The following TMEM132D variants were observed in gnomAD, a reference collection of about 807,000 sequenced individuals.
The protein encoded by TMEM132D is mature OL transmembrane protein.
In TMEM132D, 21 loss-of-function variants were observed where a neutral mutation model predicts 62.3. The observed-to-expected ratio is 0.34, with a 90% CI of 0.24 to 0.49. The LOEUF (loss-of-function observed/expected upper bound fraction) is 0.49, where lower values mean the gene tolerates loss of function less well. TMEM132D is among the 20% of genes least tolerant of loss of function. The probability of loss-of-function intolerance (pLI) is 0.99; values close to 1 mark genes in which losing one functional copy is unlikely to be tolerated. For missense variants in TMEM132D, 1,346 were observed against 1,402.8 expected (o/e 0.96, Z 0.65); for synonymous variants, 621 against 575.6 (o/e 1.08, Z -1.13).
At position 129,420,306 on chromosome 12, in the gene TMEM132D, GTTTTTT is replaced by G. The variant is rs71082709; in HGVS notation, c.1116-82495_1116-82490del. Among the ~76,000 whole-genome samples, 468 of 112,306 alleles carry G rather than the reference GTTTTTT, an allele frequency of 4.2e-3. 7 individuals are homozygous for G. Among genetic ancestry groups the G allele is most frequent in the African/African-American group, 4.6e-3 (116 of 24,956 alleles). The allele number at this position is 112,306 out of a possible 152,430, so 73.7% of individuals were successfully genotyped here. On this transcript the variant is annotated intron_variant, in intron 3 of 8. Transcript: ENST00000422113. ...AATTTCAAATTATTGCACGTTCTCTGTTTTTTTTTTTTTTTTTTTTTTTTGCAGTAT... is the reference window on the plus strand; with the variant it reads ...AATTTCAAATTATTGCACGTTCTCTGTTTTTTTTTTTTTTTTTTGCAGTAT...
At chr12:129,367,598 G>T (rs1313143151) in intron 3 of TMEM132D, among the ~76,000 whole-genome samples, 1 of 152,090 alleles carries the variant, frequency 6.6e-6, no homozygotes, top group South Asian at 2.1e-4. Context: ...TCAAATGGAT[G>T]GAGTTGCTTG....
chr12:129,276,334 G>C (rs548917159), intron 4 of TMEM132D, among the ~76,000 whole-genome samples: 1 of 152,186 alleles, frequency 6.6e-6, no homozygotes, highest in African/African-American at 2.4e-5. Context: ...AACTCTGAAC[G>C]TTATACTGTC....
intron 3 of TMEM132D, among the ~76,000 whole-genome samples, chr12:129,514,762 C>A (rs1593046283): frequency 6.6e-6 from 1 of 152,158 alleles, no homozygotes; most frequent in East Asian, 1.9e-4. Context: ...TAGAATTTTG[C>A]TTTTATGATC....
At chr12:129,323,750 C>T (rs1375100361) in intron 4 of TMEM132D, among the ~76,000 whole-genome samples, 1 of 152,198 alleles carries the variant, frequency 6.6e-6, no homozygotes, top group East Asian at 1.9e-4. Flanking sequence ...TGGCTTCATT[C>T]AGGGTCACAG....
At chr12:129,652,400 A>G (rs1420614654) in intron 2 of TMEM132D, among the ~76,000 whole-genome samples, 1 of 152,212 alleles carries the variant, frequency 6.6e-6, no homozygotes, top group Admixed American at 6.5e-5. Flanking sequence ...CTGCGAATGT[A>G]TTATGTTACC....
intron 3 of TMEM132D, among the ~76,000 whole-genome samples, chr12:129,387,910 G>A (rs369308593): frequency 2.6e-3 from 115 of 43,712 alleles, no homozygotes; most frequent in African/African-American, 4.4e-3. Flanking sequence ...TCCTAATATA[G>A]ACACTAACAG....
At chr12:129,384,994 C>T (rs1030647024) in intron 3 of TMEM132D, among the ~76,000 whole-genome samples, 2 of 151,850 alleles carry the variant, frequency 1.3e-5, no homozygotes, top group African/African-American at 4.8e-5. Context: ...CAGTCCCATT[C>T]ACCTCAAATT....
At chr12:129,298,312 T>C (rs986380333) in intron 4 of TMEM132D, among the ~76,000 whole-genome samples, 5 of 152,240 alleles carry the variant, frequency 3.3e-5, no homozygotes. Context: ...TGCTTTTTAA[T>C]GTTTTTTATT....
At chr12:129,610,492 C>T (rs182803054) in intron 2 of TMEM132D, among the ~76,000 whole-genome samples, 29 of 152,280 alleles carry the variant, frequency 1.9e-4, no homozygotes, top group Admixed American at 1.9e-3. Flanking sequence ...TGATCACCTA[C>T]TTCCATAAAG....
At chr12:129,714,865 A>G (rs1323507477) in intron 1 of TMEM132D, among the ~76,000 whole-genome samples, 1 of 152,200 alleles carries the variant, frequency 6.6e-6, no homozygotes, top group Non-Finnish European at 1.5e-5. Flanking sequence ...AATCTCCCTG[A>G]AAGCCCATTG....
intron 4 of TMEM132D, among the ~76,000 whole-genome samples, chr12:129,293,166 A>C (rs112052483): frequency 1.3e-3 from 198 of 152,256 alleles, no homozygotes; most frequent in African/African-American, 4.5e-3. Context: ...AGGCAGTGCA[A>C]GCATCCTCAT....
chr12:129,627,382 G>A (rs1016034738), intron 2 of TMEM132D, among the ~76,000 whole-genome samples: 1 of 152,178 alleles, frequency 6.6e-6, no homozygotes, highest in African/African-American at 2.4e-5. Context: ...TAGCCTAGGA[G>A]CAATAGGCTA....
intron 3 of TMEM132D, among the ~76,000 whole-genome samples, chr12:129,467,702 C>A (rs1382393371): frequency 6.6e-6 from 1 of 152,148 alleles, no homozygotes; most frequent in Non-Finnish European, 1.5e-5. Flanking sequence ...TGTGGGGACA[C>A]TCTGTGTGGG....
intron 1 of TMEM132D, among the ~76,000 whole-genome samples, chr12:129,902,976 G>T (rs1184683099): frequency 2.6e-5 from 4 of 152,140 alleles, no homozygotes; most frequent in Non-Finnish European, 4.4e-5. Context: ...TTACAGAAAA[G>T]GCTTTCAGGA....
chr12:129,680,818 T>C (rs1393234176), intron 2 of TMEM132D, among the ~76,000 whole-genome samples: 3 of 151,514 alleles, frequency 2.0e-5, no homozygotes, highest in Admixed American at 2.0e-4. Flanking sequence ...AGCAAAGAGG[T>C]TGTGTTAAAA....
chr12:129,493,395 C>T lies in TMEM132D; in HGVS notation c.1115+37664G>A, dbSNP rs376206637. Among the ~76,000 whole-genome samples, 116 of 152,274 alleles carry T rather than the reference C, an allele frequency of 7.6e-4. 1 individual carries two copies. The highest frequency in any genetic ancestry group is 2.6e-3 in the African/African-American group (109 of 41,556). On this transcript the variant is annotated intron_variant, in intron 3 of 8. Coordinates refer to ENST00000422113, the MANE Select transcript of TMEM132D (RefSeq NM_133448.3). Reference sequence around the variant, plus strand: ...TGATTTACGTGGTTAGTAATAAATACACATTACTAAAATATCCAAACAGAA... The same window carrying T: ...TGATTTACGTGGTTAGTAATAAATATACATTACTAAAATATCCAAACAGAA...
chr12:129,460,224 C>T (rs1187455085), intron 3 of TMEM132D, among the ~76,000 whole-genome samples: 2 of 152,150 alleles, frequency 1.3e-5, no homozygotes, highest in Non-Finnish European at 2.9e-5. Flanking sequence ...CTCTGTGTTC[C>T]CTGTGCTTGT....
At chr12:129,544,258 T>C (rs1876672045) in intron 2 of TMEM132D, among the ~76,000 whole-genome samples, 1 of 152,256 alleles carries the variant, frequency 6.6e-6, no homozygotes, top group Non-Finnish European at 1.5e-5. Flanking sequence ...CCTTTGTCCA[T>C]TTCCCTGTTG....
At position 129,747,665 on chromosome 12, in the gene TMEM132D, ACATT is replaced by A. The variant is rs774081881; in HGVS notation, c.80-46971_80-46968del. On this transcript the variant is annotated intron_variant, in intron 1 of 8. Transcript: ENST00000422113. ...ATACATACACCAGACACAGACACACACATTCAGACACACACAGACATGCACTCAG... is the reference window on the plus strand; with the variant it reads ...ATACATACACCAGACACAGACACACACAGACACACACAGACATGCACTCAG... 7.6e-4 allele frequency among the ~76,000 whole-genome samples: 114 copies of A among 150,890 alleles called. 1 individual carries two copies. The highest frequency in any genetic ancestry group is 1.1e-3 in the African/African-American group (45 of 40,966).
Sources: allele counts gnomAD v4.1 joint callset (sites outside exome capture counted in the v4.1 genomes callset), GRCh38; gene constraint gnomAD v4.1.1; transcripts MANE v1.5; gene names NCBI Gene and HGNC (gene_info 2026-07-23, HGNC 2026-07-21).